Variants in SGCD observed in about 807,000 individuals in gnomAD.
The protein encoded by SGCD is delta-sarcoglycan.
Under a neutral mutation model 36.6 loss-of-function variants are expected in SGCD, and 18 were observed. The observed-to-expected ratio is 0.49, with a 90% CI of 0.34 to 0.73. The LOEUF is 0.73. Among genes scored for constraint, SGCD ranks in the 30% least tolerant of loss-of-function variants. The pLI is 0.01. For synonymous variants in SGCD, 133 were observed against 130.6 expected (o/e 1.02, Z -0.12); for missense variants, 387 against 346.7 (o/e 1.12, Z -0.92).
At chr5:156,330,225 T>C (rs930091460) in intron 2 of SGCD, among the ~76,000 whole-genome samples, 2 of 152,092 alleles carry the variant, frequency 1.3e-5, no homozygotes, top group African/African-American at 4.8e-5. Context: ...ATGGTAAGTA[T>C]AATGCAAATA....
At chr5:155,842,022 G>C in the SGCD span, among the ~76,000 whole-genome samples, 1 of 152,100 alleles carries the variant, frequency 6.6e-6, no homozygotes, top group Non-Finnish European at 1.5e-5. Context: ...TTGTCACTAG[G>C]AGCTTGGGCT....
At chr5:156,594,477 G>A (rs1377746438) in intron 5 of SGCD, among the ~76,000 whole-genome samples, 1 of 152,114 alleles carries the variant, frequency 6.6e-6, no homozygotes, top group Non-Finnish European at 1.5e-5. Flanking sequence ...TGGGTTAAGG[G>A]TACAAAGTTA....
intron 1 of SGCD, among the ~76,000 whole-genome samples, chr5:156,032,076 A>G (rs1201130424): frequency 6.6e-6 from 1 of 152,114 alleles, no homozygotes; most frequent in African/African-American, 2.4e-5. Flanking sequence ...GTTTCCTTCT[A>G]GGCCTGCATA....
intron 1 of SGCD, among the ~76,000 whole-genome samples, chr5:155,996,851 A>T (rs1274101258): frequency 7.3e-6 from 1 of 137,908 alleles, no homozygotes; most frequent in Non-Finnish European, 1.6e-5. Flanking sequence ...TAAATCTGAT[A>T]TCTGGATGGA....
chr5:156,425,993 C>T (rs1334127355), intron 3 of SGCD, among the ~76,000 whole-genome samples: 2 of 152,130 alleles, frequency 1.3e-5, no homozygotes. Flanking sequence ...CATATTTTTG[C>T]AATTGTGAAT....
chr5:155,883,749 C>T (rs757694873), intron 1 of SGCD, among the ~76,000 whole-genome samples: 13 of 132,736 alleles, frequency 9.8e-5, no homozygotes, highest in East Asian at 2.2e-4. Context: ...AAAATTGTGC[C>T]GATAGACTTG....
At chr5:155,849,395 A>G in the SGCD span, among the ~76,000 whole-genome samples, 1 of 152,030 alleles carries the variant, frequency 6.6e-6, no homozygotes, top group Non-Finnish European at 1.5e-5. Flanking sequence ...TTAATGTGAT[A>G]CAGGCACACA....
chr5:156,676,154 C>T (rs1212739105), intron 7 of SGCD, among the ~76,000 whole-genome samples: 3 of 152,112 alleles, frequency 2.0e-5, no homozygotes, highest in Non-Finnish European at 2.9e-5. Flanking sequence ...GTTTTTGATC[C>T]TCCATTAAGT....
intron 3 of SGCD, among the ~76,000 whole-genome samples, chr5:156,282,554 G>A (rs1025147732): frequency 1.3e-5 from 2 of 152,220 alleles, no homozygotes; most frequent in Admixed American, 6.5e-5. Context: ...TAAAGCATTT[G>A]TGTGTGTTTC....
intron 1 of SGCD, among the ~76,000 whole-genome samples, chr5:155,900,139 C>T (rs538883199): frequency 1.3e-5 from 2 of 152,160 alleles, no homozygotes; most frequent in African/African-American, 4.8e-5. Context: ...ATTATATAGG[C>T]CATTCTTTCC....
chr5:156,332,793 T>C (rs1561625227), intron 2 of SGCD, among the ~76,000 whole-genome samples: 2 of 152,146 alleles, frequency 1.3e-5, no homozygotes, highest in Non-Finnish European at 2.9e-5. Flanking sequence ...TCACAATCTC[T>C]GGGGAAGGGA....
chr5:156,572,412 T>G (rs764127004), intron 4 of SGCD, among the ~76,000 whole-genome samples: 9 of 152,188 alleles, frequency 5.9e-5, no homozygotes, highest in Non-Finnish European at 1.2e-4. Flanking sequence ...CAATATATGT[T>G]ATTTTCTGTT....
intron 3 of SGCD, among the ~76,000 whole-genome samples, chr5:156,243,302 G>A (rs1010281514): frequency 3.3e-5 from 5 of 152,242 alleles, no homozygotes; most frequent in African/African-American, 7.2e-5. Context: ...GTAGCTAGAT[G>A]TGGGATGTTG....
intron 3 of SGCD, among the ~76,000 whole-genome samples, chr5:156,386,751 G>A (rs1337497017): frequency 3.3e-5 from 5 of 152,246 alleles, no homozygotes; most frequent in Non-Finnish European, 5.9e-5. Flanking sequence ...GTGTTGGAGG[G>A]ATGGGGCACA....
At chr5:155,950,324 T>A (rs1757524713) in intron 1 of SGCD, among the ~76,000 whole-genome samples, 1 of 151,992 alleles carries the variant, frequency 6.6e-6, no homozygotes, top group South Asian at 2.1e-4. Context: ...GTCAAGAGAG[T>A]CTCTGTCTTG....
the SGCD span, among the ~76,000 whole-genome samples, chr5:155,758,684 A>G: frequency 2.6e-5 from 4 of 152,178 alleles, no homozygotes; most frequent in African/African-American, 9.6e-5. Flanking sequence ...TGCACTCCTT[A>G]TGAGAATCTA....
At chr5:156,639,889 A>G (rs555201361) in intron 6 of SGCD, among the ~76,000 whole-genome samples, 1 of 151,586 alleles carries the variant, frequency 6.6e-6, no homozygotes, top group East Asian at 2.0e-4. Flanking sequence ...TCAAAATTTA[A>G]ATGTTGGAGT....
At chr5:156,173,765 T>C (rs1763396122) in intron 3 of SGCD, among the ~76,000 whole-genome samples, 1 of 152,138 alleles carries the variant, frequency 6.6e-6, no homozygotes, top group South Asian at 2.1e-4. Context: ...AATAATGAAG[T>C]AATAACTTCT....
chr5:155,900,557 G>C lies in SGCD; in HGVS notation c.-282+30133G>C, dbSNP rs1008055522. Among the ~76,000 whole-genome samples the C allele has an allele frequency of 3.3e-5, 5 of 150,508 alleles. No individual in the cohort carries two copies. The East Asian group carries it at 9.8e-4, about 29-fold the overall frequency. On this transcript the variant is annotated intron_variant, in intron 1 of 9. Coordinates refer to the SGCD transcript ENST00000517913. The stretch of plus-strand genomic sequence containing the variant: ...TCATCTAGCATTAGGTATATCTCCC[G>C]ATGCTATCCCTCCCCCCTCCCCCCA...
Sources: allele counts gnomAD v4.1 joint callset (sites outside exome capture counted in the v4.1 genomes callset), GRCh38; gene constraint gnomAD v4.1.1; transcripts MANE v1.5; gene names NCBI Gene and HGNC (gene_info 2026-07-23, HGNC 2026-07-21).